KCNMA1: variants seen among roughly 807,000 people sequenced by gnomAD.
The protein encoded by KCNMA1 is Calcium-activated potassium channel subunit alpha-1.
In KCNMA1, 29 loss-of-function variants were observed where a neutral mutation model predicts 140.0. The observed-to-expected ratio is 0.21, with a 90% CI of 0.15 to 0.28. The LOEUF is 0.28. Among genes scored for constraint, KCNMA1 ranks in the 10% least tolerant of loss-of-function variants. The probability of loss-of-function intolerance (pLI) is 1.00; values close to 1 mark genes in which losing one functional copy is unlikely to be tolerated. For missense variants in KCNMA1, 880 were observed against 1,602.2 expected (o/e 0.55, Z 7.70); for synonymous variants, 612 against 611.9 (o/e 1.00, Z 0.00).
At chr10:77,540,843 A>G (rs2060008874) in intron 1 of KCNMA1, among the ~76,000 whole-genome samples, 1 of 152,150 alleles carries the variant, frequency 6.6e-6, no homozygotes, top group Non-Finnish European at 1.5e-5. Context: ...TCTACTAAAA[A>G]TACACAAAAA....
chr10:77,594,257 C>T (rs181971457), intron 1 of KCNMA1, among the ~76,000 whole-genome samples: 84 of 152,244 alleles, frequency 5.5e-4, no homozygotes, highest in African/African-American at 1.8e-3. Flanking sequence ...CCTCACCATT[C>T]GGTTGCAATT....
chr10:77,570,743 T>TA (rs55723326), intron 1 of KCNMA1, among the ~76,000 whole-genome samples: 105,759 of 149,052 alleles, frequency 0.71, 38,035 homozygotes, highest in South Asian at 0.85. Context: ...ATAATAATAA[T>TA]AAAAAAAAGA....
intron 23 of KCNMA1, among the ~76,000 whole-genome samples, chr10:76,933,547 T>C: frequency 6.6e-6 from 1 of 152,224 alleles, no homozygotes; most frequent in East Asian, 1.9e-4. Flanking sequence ...CCTGTTTCTG[T>C]GCCTTCTGTT....
chr10:76,943,237 G>C (rs1055598231), intron 23 of KCNMA1, among the ~76,000 whole-genome samples: 13 of 152,314 alleles, frequency 8.5e-5, no homozygotes, highest in African/African-American at 2.9e-4. Flanking sequence ...CTGGGAGTAA[G>C]CTCAGAGCCT....
At chr10:76,980,094 T>A (rs1343765459) in intron 19 of KCNMA1, 3 of 152,184 alleles carry the variant, frequency 2.0e-5, no homozygotes, top group African/African-American at 7.2e-5. Flanking sequence ...ATGGTGGGCC[T>A]TTCTGGTCAA....
intron 1 of KCNMA1, among the ~76,000 whole-genome samples, chr10:77,434,753 TC>T (rs1389239297): frequency 6.6e-6 from 1 of 152,088 alleles, no homozygotes; most frequent in Non-Finnish European, 1.5e-5. Flanking sequence ...AGTGGGAGAT[TC>T]CCCCTTGTTA....
chr10:76,908,128 G>T (rs2152332604), intron 25 of KCNMA1, among the ~76,000 whole-genome samples: 1 of 152,316 alleles, frequency 6.6e-6, no homozygotes, highest in Non-Finnish European at 1.5e-5. Flanking sequence ...CTAATGAGAT[G>T]AATTACCAAA....
chr10:77,342,100 G>A (rs1566099960), intron 2 of KCNMA1, among the ~76,000 whole-genome samples: 3 of 152,232 alleles, frequency 2.0e-5, no homozygotes, highest in South Asian at 4.1e-4. Context: ...CTGCACCAAG[G>A]AACAGACTCC....
intron 1 of KCNMA1, among the ~76,000 whole-genome samples, chr10:77,453,364 TATAA>T (rs143343288): frequency 3.3e-3 from 475 of 145,110 alleles, no homozygotes; most frequent in African/African-American, 4.7e-3. Context: ...AATAAATAAA[TATAA>T]ATAAATAAAT....
intron 1 of KCNMA1, among the ~76,000 whole-genome samples, chr10:77,496,027 C>T (rs2041799249): frequency 6.6e-6 from 1 of 152,188 alleles, no homozygotes; most frequent in African/African-American, 2.4e-5. Flanking sequence ...ACACAGAGCC[C>T]TCCTTGGAGG....
At chr10:77,011,871 G>A (rs1269298380) in intron 18 of KCNMA1, 96 bp downstream of exon 18, 12 of 1,048,980 alleles carry the variant, frequency 1.1e-5, no homozygotes, top group African/African-American at 1.6e-5. Flanking sequence ...GAAAACTCTC[G>A]ATGTTTAGTG....
Position 76,885,561 on chromosome 10 carries a change from C to T in KCNMA1, c.*1705G>A. ...CAAAATCTAAATCCAAAACATTCACCATAAAAACACCTTTTTAGAGATGGT... is the reference window on the plus strand; with the variant it reads ...CAAAATCTAAATCCAAAACATTCACTATAAAAACACCTTTTTAGAGATGGT... On this transcript the variant is annotated 3_prime_UTR_variant, in exon 28 of 28. Transcript: ENST00000286628. The T allele has an allele frequency of 1.0e-6, 1 of 985,288 alleles. No individual in the cohort carries two copies. Among genetic ancestry groups the T allele is most frequent in the Non-Finnish European group, 1.2e-6 (1 of 829,922 alleles). The allele number at this position is 985,288 out of a possible 1,614,324, so 61.0% of individuals were successfully genotyped here.
At chr10:76,943,602 C>T (rs566031238) in intron 23 of KCNMA1, among the ~76,000 whole-genome samples, 1 of 152,146 alleles carries the variant, frequency 6.6e-6, no homozygotes, top group Admixed American at 6.5e-5. Flanking sequence ...AGAATCAAAG[C>T]CTATCTTTCT....
At chr10:77,146,751 A>AAAG (rs2098308156) in intron 5 of KCNMA1, among the ~76,000 whole-genome samples, 1 of 143,110 alleles carries the variant, frequency 7.0e-6, no homozygotes, top group South Asian at 2.5e-4. Context: ...AGGAAAGAAA[A>AAAG]AAGATGAGAA....
At chr10:76,917,211 G>T (rs962810301) in intron 23 of KCNMA1, among the ~76,000 whole-genome samples, 2 of 152,112 alleles carry the variant, frequency 1.3e-5, no homozygotes, top group African/African-American at 2.4e-5. Context: ...TGACGTTTTT[G>T]AATTTCTTCA....
At chr10:77,563,077 T>C (rs2066922443) in intron 1 of KCNMA1, among the ~76,000 whole-genome samples, 1 of 151,962 alleles carries the variant, frequency 6.6e-6, no homozygotes, top group Admixed American at 6.6e-5. Flanking sequence ...AAAAAAAAGT[T>C]CAACTATTTT....
chr10:77,262,579 G>A (rs557751322), intron 2 of KCNMA1, among the ~76,000 whole-genome samples: 4 of 152,068 alleles, frequency 2.6e-5, no homozygotes, highest in East Asian at 1.9e-4. Context: ...GAGGCGTTTT[G>A]GTCATGGGGG....
chr10:76,936,323 G>T (rs548309126), intron 23 of KCNMA1, among the ~76,000 whole-genome samples: 46 of 152,236 alleles, frequency 3.0e-4, no homozygotes, highest in African/African-American at 1.1e-3. Context: ...CTCAAGATAA[G>T]ATCTAAATCA....
rs76418967 is a variant in KCNMA1, at chr10:76,976,999, C to T, written c.2267-6932G>A. On this transcript the variant is annotated intron_variant, in intron 19 of 27. Transcript: ENST00000286628. ...GAGATGGGAGATAATTTTTACTTTACATCCAACTGGGAGGGCTGGGGAATG... is the reference window on the plus strand; with the variant it reads ...GAGATGGGAGATAATTTTTACTTTATATCCAACTGGGAGGGCTGGGGAATG... 8.2e-3 allele frequency among the ~76,000 whole-genome samples: 1,246 copies of T among 152,252 alleles called. 21 individuals carry two copies. Among genetic ancestry groups the T allele is most frequent in the African/African-American group, 0.029 (1,190 of 41,552 alleles).
Sources: allele counts gnomAD v4.1 joint callset (sites outside exome capture counted in the v4.1 genomes callset), GRCh38; gene constraint gnomAD v4.1.1; transcripts MANE v1.5; gene names NCBI Gene and HGNC (gene_info 2026-07-23, HGNC 2026-07-21).